VPS35L: variants seen among roughly 807,000 people sequenced by gnomAD.
VPS35L encodes the protein VPS35 endosomal protein sorting factor like.
In VPS35L, 83 loss-of-function variants were observed where a neutral mutation model predicts 133.0. That is an observed-to-expected ratio of 0.62 (90% confidence interval 0.52 to 0.75). The LOEUF (loss-of-function observed/expected upper bound fraction) is 0.75. Among genes scored for constraint, VPS35L ranks in the 30% least tolerant of loss-of-function variants. The probability of loss-of-function intolerance (pLI) is 0.00; values close to 1 mark genes in which losing one functional copy is unlikely to be tolerated. For synonymous variants in VPS35L, 423 were observed against 449.9 expected (o/e 0.94, Z 0.76); for missense variants, 1,083 against 1,206.8 (o/e 0.90, Z 1.52).
chr16:19,689,988 T>A (rs911319011), intron 28 of VPS35L, among the ~76,000 whole-genome samples: 1 of 152,066 alleles, frequency 6.6e-6, no homozygotes, highest in Non-Finnish European at 1.5e-5. Context: ...TCATAGCTCA[T>A]TGCAGCCACC....
intron 26 of VPS35L, among the ~76,000 whole-genome samples, chr16:19,661,262 G>A (rs1974477512): frequency 6.6e-6 from 1 of 151,606 alleles, no homozygotes; most frequent in South Asian, 2.1e-4. Flanking sequence ...TCTTCAAATG[G>A]CCCCCCTCTA....
At chr16:19,570,009 G>C (rs1047907288) in intron 3 of VPS35L, among the ~76,000 whole-genome samples, 3 of 152,150 alleles carry the variant, frequency 2.0e-5, no homozygotes, top group Non-Finnish European at 4.4e-5. Context: ...TGAGAGGCTG[G>C]TGTAGCTCTG....
At chr16:19,609,086 A>G in intron 11 of VPS35L, 65 bp downstream of exon 11, 1 of 1,364,210 alleles carries the variant, frequency 7.3e-7, no homozygotes, top group East Asian at 2.3e-5. Flanking sequence ...GTACACAGAT[A>G]GTAATGGCAA....
chr16:19,601,788 GA>G (rs1180484778), intron 9 of VPS35L, 65 bp downstream of exon 9: 15 of 1,508,574 alleles, frequency 9.9e-6, no homozygotes, highest in Non-Finnish European at 1.3e-5. Context: ...GGCTTTTATT[GA>G]GTCAGGATTC....
intron 22 of VPS35L, among the ~76,000 whole-genome samples, chr16:19,643,969 CA>C: frequency 6.6e-6 from 1 of 151,804 alleles, no homozygotes; most frequent in Non-Finnish European, 1.5e-5. Context: ...AAAACAAAAA[CA>C]AAAACAAAAA....
chr16:19,665,167 G>A (rs1974622591), intron 26 of VPS35L, among the ~76,000 whole-genome samples: 1 of 152,184 alleles, frequency 6.6e-6, no homozygotes, highest in Non-Finnish European at 1.5e-5. Flanking sequence ...CATTTATCCT[G>A]TGTGCTACAA....
Position 19,671,834 on chromosome 16 carries a change from G to A in VPS35L, c.2361+2535G>A, listed in dbSNP as rs143803964. On this transcript the variant is annotated intron_variant, in intron 27 of 30. Coordinates refer to ENST00000417362, the MANE Select transcript of VPS35L (RefSeq NM_020314.7). ...ATAGGCTTCACCTGGCTGCCGCAGGGTGCATGGCACAGAACAGATTAAGCA... is the reference window on the plus strand; with the variant it reads ...ATAGGCTTCACCTGGCTGCCGCAGGATGCATGGCACAGAACAGATTAAGCA... Among the ~76,000 whole-genome samples, 7 of 152,272 alleles carry A rather than the reference G, an allele frequency of 4.6e-5. No homozygotes were observed. The East Asian group carries it at 1.3e-3, about 29-fold the overall frequency.
chr16:19,570,878 TATATATATATA>T lies in VPS35L; in HGVS notation c.285+1288_285+1298del, dbSNP rs1567388827. ...ATATATATATATATATATATATATA[TATATATATATA>T]TTTTTGAGATGAAGTCTCACACTGT... On this transcript the variant is annotated intron_variant, in intron 3 of 30. Coordinates refer to ENST00000417362, the MANE Select transcript of VPS35L (RefSeq NM_020314.7). Among the ~76,000 whole-genome samples the T allele has an allele frequency of 1.1e-3, 83 of 76,348 alleles. 2 individuals are homozygous for T. The highest frequency in any genetic ancestry group is 4.7e-3 in the African/African-American group (65 of 13,806). The allele number at this position is 76,348 out of a possible 152,430, so 50.1% of individuals were successfully genotyped here.
At chr16:19,690,203 A>G (rs1290764973) in intron 28 of VPS35L, among the ~76,000 whole-genome samples, 1 of 152,204 alleles carries the variant, frequency 6.6e-6, no homozygotes, top group African/African-American at 2.4e-5. Flanking sequence ...CACTGATCCC[A>G]GCCCCAAGAT....
intron 27 of VPS35L, among the ~76,000 whole-genome samples, chr16:19,673,583 A>G (rs184456196): frequency 1.3e-5 from 2 of 151,998 alleles, no homozygotes; most frequent in East Asian, 3.9e-4. Flanking sequence ...TATTCCTTGA[A>G]CAGATTTGCG....
At chr16:19,640,906 C>A (rs1318078020) in intron 21 of VPS35L, among the ~76,000 whole-genome samples, 1 of 152,096 alleles carries the variant, frequency 6.6e-6, no homozygotes, top group Non-Finnish European at 1.5e-5. Context: ...CCCACTACAA[C>A]CCAGCTGATT....
chr16:19,646,525 T>C (rs1487949654), intron 23 of VPS35L, among the ~76,000 whole-genome samples: 1 of 151,388 alleles, frequency 6.6e-6, no homozygotes, highest in East Asian at 1.9e-4. Flanking sequence ...ATTAGCCGGG[T>C]GTTGTGGTGC....
At chr16:19,697,096 A>C (rs928146899) in intron 29 of VPS35L, among the ~76,000 whole-genome samples, 1 of 152,244 alleles carries the variant, frequency 6.6e-6, no homozygotes, top group Non-Finnish European at 1.5e-5. Flanking sequence ...CGTGCCCAGC[A>C]GGTGCCAGCC....
chr16:19,648,874 CAAAAA>C (rs552677405), intron 24 of VPS35L, among the ~76,000 whole-genome samples: 3 of 91,852 alleles, frequency 3.3e-5, no homozygotes, highest in Non-Finnish European at 7.0e-5. Flanking sequence ...GACTCCATCT[CAAAAA>C]AAAAAAAAAA....
chr16:19,576,366 C>T (rs184226739), intron 5 of VPS35L, among the ~76,000 whole-genome samples: 1 of 152,246 alleles, frequency 6.6e-6, no homozygotes, highest in Admixed American at 6.5e-5. Context: ...CATGCTTAGT[C>T]TTATACGTCA....
intron 3 of VPS35L, among the ~76,000 whole-genome samples, chr16:19,572,786 G>A (rs1372182414): frequency 3.9e-5 from 6 of 152,150 alleles, no homozygotes; most frequent in South Asian, 2.1e-4. Flanking sequence ...AGGTTCAAGC[G>A]ATTGTCCTGC....
intron 7 of VPS35L, 107 bp downstream of exon 7, chr16:19,581,760 C>T (rs2151518169): frequency 7.8e-7 from 1 of 1,288,632 alleles, no homozygotes; most frequent in Non-Finnish European, 1.1e-6. Context: ...CTCTTGTTTT[C>T]TCATCCCTTT....
rs988852127 is a variant in VPS35L, at chr16:19,582,642, C to T, written c.639+989C>T. 1.2e-4 allele frequency among the ~76,000 whole-genome samples: 18 copies of T among 152,128 alleles called. No homozygotes were observed. In the South Asian group the frequency reaches 1.5e-3, roughly 12 times the overall value. ...GGAGAGGGTTGCTTGCTGAGTGTCT[C>T]GAGTGAGAAACTATCTGAACTAACA... On this transcript the variant is annotated intron_variant, in intron 7 of 30. Coordinates refer to ENST00000417362, the MANE Select transcript of VPS35L (RefSeq NM_020314.7).
intron 4 of VPS35L, 158 bp downstream of exon 4, chr16:19,573,399 A>T (rs1335436644): frequency 1.2e-6 from 1 of 808,188 alleles, no homozygotes; most frequent in African/African-American, 1.7e-5. Context: ...GTAGTATGTC[A>T]GTGTTGTTGG....
Sources: allele counts gnomAD v4.1 joint callset (sites outside exome capture counted in the v4.1 genomes callset), GRCh38; gene constraint gnomAD v4.1.1; transcripts MANE v1.5; gene names NCBI Gene and HGNC (gene_info 2026-07-23, HGNC 2026-07-21).